The following ERCC6L2 variants were observed in gnomAD, a reference collection of about 807,000 sequenced individuals.
ERCC6L2 encodes ERCC excision repair 6 like 2.
In ERCC6L2, 77 loss-of-function variants were observed where a neutral mutation model predicts 132.0. The observed-to-expected ratio is 0.58, with a 90% CI of 0.49 to 0.71. The LOEUF (loss-of-function observed/expected upper bound fraction) is 0.71. ERCC6L2 is among the 30% of genes least tolerant of loss of function. The pLI is 0.00. For synonymous variants in ERCC6L2, 583 were observed against 632.4 expected, an observed-to-expected ratio of 0.92 and a Z score of 1.17; for missense variants, 1,542 against 1,837.6, an observed-to-expected ratio of 0.84 and a Z score of 2.94.
chr9:95,877,817 A>G (rs1042294034), intron 1 of ERCC6L2, among the ~76,000 whole-genome samples: 29 of 150,946 alleles, frequency 1.9e-4, no homozygotes, highest in African/African-American at 7.1e-4. Context: ...AAAAAAAAGA[A>G]AAAAAAAAGA....
chr9:95,881,613 A>G (rs1359928191), intron 2 of ERCC6L2, among the ~76,000 whole-genome samples: 3 of 152,222 alleles, frequency 2.0e-5, no homozygotes, highest in Non-Finnish European at 4.4e-5. Flanking sequence ...TACTTAATGG[A>G]AGGAAAGCAT....
At chr9:95,900,317 GT>G (rs1198671345) in intron 3 of ERCC6L2, among the ~76,000 whole-genome samples, 2 of 151,904 alleles carry the variant, frequency 1.3e-5, no homozygotes, top group African/African-American at 4.8e-5. Flanking sequence ...GAGCCCAGGA[GT>G]TCTAGGCTGC....
At chr9:96,025,349 T>C (rs894625981) in intron 19 of ERCC6L2, among the ~76,000 whole-genome samples, 2 of 152,190 alleles carry the variant, frequency 1.3e-5, no homozygotes, top group Non-Finnish European at 2.9e-5. Flanking sequence ...GCTTCCAGTG[T>C]CAAGTTCTAT....
intron 17 of ERCC6L2, among the ~76,000 whole-genome samples, chr9:95,981,174 A>C (rs940182743): frequency 6.6e-6 from 1 of 152,200 alleles, no homozygotes; most frequent in Non-Finnish European, 1.5e-5. Flanking sequence ...ATTGCAAAGG[A>C]ATATACTAAA....
intron 4 of ERCC6L2, among the ~76,000 whole-genome samples, chr9:95,908,762 A>T (rs868197388): frequency 0.018 from 2,716 of 152,276 alleles, 85 homozygotes; most frequent in African/African-American, 0.061. Context: ...TAAGTCTTTA[A>T]AATGTTTAGA....
chr9:95,990,114 T>G (rs929050080), intron 17 of ERCC6L2, among the ~76,000 whole-genome samples: 1 of 152,238 alleles, frequency 6.6e-6, no homozygotes, highest in African/African-American at 2.4e-5. Context: ...CAGACTGAGA[T>G]GTTAGGCTTT....
intron 19 of ERCC6L2, among the ~76,000 whole-genome samples, chr9:96,031,604 G>A (rs908223425): frequency 3.3e-5 from 5 of 152,260 alleles, no homozygotes; most frequent in Non-Finnish European, 4.4e-5. Flanking sequence ...AAGCCAAGGC[G>A]CCCAAGCACC....
At chr9:96,038,816 C>T (rs183726264) in intron 19 of ERCC6L2, 37 of 455,856 alleles carry the variant, frequency 8.1e-5, no homozygotes, top group African/African-American at 6.4e-4. Flanking sequence ...CTGGACTTAA[C>T]GATTTGCTTT....
At chr9:95,876,113 A>G (rs371959202) in intron 1 of ERCC6L2, 29 bp downstream of exon 1, 6 of 1,552,500 alleles carry the variant, frequency 3.9e-6, no homozygotes, top group Non-Finnish European at 1.7e-6. Flanking sequence ...CCCCTTACGC[A>G]GAGGCCTGTG....
At chr9:95,997,433 G>A (rs1833509159) in intron 17 of ERCC6L2, among the ~76,000 whole-genome samples, 1 of 152,194 alleles carries the variant, frequency 6.6e-6, no homozygotes, top group Admixed American at 6.5e-5. Flanking sequence ...TGCTTCTTAT[G>A]GATTAGCAAA....
At chr9:95,936,218 C>A (rs1328113132) in intron 11 of ERCC6L2, among the ~76,000 whole-genome samples, 1 of 152,152 alleles carries the variant, frequency 6.6e-6, no homozygotes. Flanking sequence ...TGATACTTAG[C>A]ATGGCTTTTG....
rs186560105 is a variant in ERCC6L2, at chr9:95,936,976, C to T, written c.1752-4478C>T. 2.0e-3 allele frequency among the ~76,000 whole-genome samples: 298 copies of T among 152,178 alleles called. 1 individual carries two copies. The highest frequency in any genetic ancestry group is 0.014 in the Middle Eastern group (4 of 294). On this transcript the variant is annotated intron_variant, in intron 11 of 18. Coordinates refer to ENST00000653738, the MANE Select transcript of ERCC6L2 (RefSeq NM_020207.7). ...CAATGGTTCTTTTCTTTTTATTGCT[C>T]TTAGTATTCATGATATGGATACACC...
At chr9:95,892,578 A>G (rs1171141558) in intron 2 of ERCC6L2, among the ~76,000 whole-genome samples, 1 of 151,908 alleles carries the variant, frequency 6.6e-6, no homozygotes, top group East Asian at 1.9e-4. Flanking sequence ...ATGTGCCACC[A>G]CACCCAGCTA....
chr9:95,910,710 A>G (rs890788268), intron 4 of ERCC6L2, among the ~76,000 whole-genome samples: 1 of 152,208 alleles, frequency 6.6e-6, no homozygotes, highest in Admixed American at 6.5e-5. Flanking sequence ...TTGGATATGG[A>G]GCTACCACTT....
chr9:95,978,704 CT>C (rs1832772868), intron 17 of ERCC6L2, among the ~76,000 whole-genome samples: 1 of 152,038 alleles, frequency 6.6e-6, no homozygotes, highest in African/African-American at 2.4e-5. Context: ...CTTAAAATTG[CT>C]GTTGTGATAT....
rs760131119 is a variant in ERCC6L2 at position 95,916,374 on chromosome 9, C to T, written c.1098C>T (p.Gly366=). 1 of 1,609,218 alleles carries T rather than the reference C, an allele frequency of 6.2e-7. No homozygotes were observed. The highest frequency in any genetic ancestry group is 1.1e-5 in the South Asian group (1 of 89,958). ...AMQRLAKKMS[G]WFLRRTKTLI... ...AAAGACTTGCCAAAAAGATGTCTGG[C>T]TGGTTTCTCAGGCGCACCAAGACTC... The change falls in exon 6 of 19, where the codon GGC becomes GGT. Residue 366 remains glycine, a synonymous_variant. Coordinates refer to ENST00000653738, the MANE Select transcript of ERCC6L2 (RefSeq NM_020207.7).
In ERCC6L2 at chr9:96,013,272, A is replaced by T; in HGVS notation, c.*69A>T. On this transcript the variant is annotated 3_prime_UTR_variant, in exon 19 of 19. Transcript: ENST00000653738. ...GTTTACGGCACTGGATTCCACACTG[A>T]TTCTATTATCTTGAACACAGTTGTT... is the stretch of plus-strand genomic sequence containing the variant. The T allele has an allele frequency of 8.3e-7, 1 of 1,211,142 alleles. No homozygotes were observed. 75.0% of individuals were successfully genotyped at this position (1,211,142 alleles called of 1,614,324 possible). A position where few individuals can be genotyped will look rare whatever the true frequency, so the allele number is the denominator to read the frequency against.
downstream of ERCC6L2, chr9:96,021,058 G>T (rs1056098987): frequency 8.9e-6 from 4 of 450,350 alleles, no homozygotes; most frequent in South Asian, 3.1e-5. The surrounding 1 kb of genome is among the most constrained non-coding windows in gnomAD (Gnocchi z 4.7). Flanking sequence ...CAGCTAGGGG[G>T]CACCGCCTGC....
chr9:95,941,605 T>A (rs972230439), intron 12 of ERCC6L2, 56 bp downstream of exon 12: 67 of 1,303,062 alleles, frequency 5.1e-5, no homozygotes, highest in Non-Finnish European at 6.7e-5. Context: ...CTAAAAATAC[T>A]CTTGAACTTT....
Sources: allele counts gnomAD v4.1 joint callset (sites outside exome capture counted in the v4.1 genomes callset), GRCh38; gene constraint gnomAD v4.1.1; non-coding constraint Gnocchi (gnomAD v3.1); transcripts MANE v1.5; gene names NCBI Gene and HGNC (gene_info 2026-07-23, HGNC 2026-07-21).